Variants in SMYD3 observed in about 807,000 individuals in gnomAD.
SMYD3 encodes the protein SET and MYND domain containing 3.
SMYD3 carries 36 observed loss-of-function variants against 57.7 expected under a neutral mutation model. That is an observed-to-expected ratio of 0.62 (90% CI 0.48 to 0.82). SMYD3 has a LOEUF of 0.82. Ranked by LOEUF, SMYD3 falls within the 40% of genes least tolerant of loss-of-function variation. The pLI, the probability that SMYD3 is intolerant of heterozygous loss-of-function variation, is 0.00. For synonymous variants in SMYD3, 211 were observed against 195.0 expected (o/e 1.08, Z -0.68); for missense variants, 515 against 538.8 (o/e 0.96, Z 0.44).
intron 5 of SMYD3, among the ~76,000 whole-genome samples, chr1:246,204,162 T>C (rs2062961185): frequency 1.3e-5 from 2 of 151,982 alleles, no homozygotes; most frequent in Admixed American, 1.3e-4. Flanking sequence ...AAACAGAAAC[T>C]CCCCCCAAAA....
chr1:246,088,181 G>A (rs988558857), intron 5 of SMYD3, among the ~76,000 whole-genome samples: 20 of 152,004 alleles, frequency 1.3e-4, no homozygotes, highest in Non-Finnish European at 2.5e-4. Context: ...GAACTGTCAC[G>A]GAAAGGTAAC....
At chr1:246,069,824 G>T (rs563325948) in intron 5 of SMYD3, among the ~76,000 whole-genome samples, 1 of 152,148 alleles carries the variant, frequency 6.6e-6, no homozygotes, top group Non-Finnish European at 1.5e-5. Context: ...TGGGCAGGAC[G>T]AATGAGACTG....
intron 1 of SMYD3, among the ~76,000 whole-genome samples, chr1:246,377,546 T>C (rs530266360): frequency 2.0e-5 from 3 of 152,116 alleles, no homozygotes; most frequent in Admixed American, 1.3e-4. Context: ...ATTTTGTATT[T>C]TTAGTAGAGA....
At chr1:246,453,329 T>C (rs932314092) in intron 1 of SMYD3, among the ~76,000 whole-genome samples, 1 of 152,356 alleles carries the variant, frequency 6.6e-6, no homozygotes, top group African/African-American at 2.4e-5. Flanking sequence ...GCAGATGATA[T>C]GACACATTTG....
At chr1:245,840,053 C>T (rs1467743921) in intron 10 of SMYD3, among the ~76,000 whole-genome samples, 15 of 151,926 alleles carry the variant, frequency 9.9e-5, no homozygotes, top group Admixed American at 9.8e-4. Flanking sequence ...AAGCAAAAGG[C>T]CCAGACACTA....
At chr1:246,251,101 A>G (rs2063791550) in intron 5 of SMYD3, among the ~76,000 whole-genome samples, 1 of 152,232 alleles carries the variant, frequency 6.6e-6, no homozygotes, top group Non-Finnish European at 1.5e-5. Flanking sequence ...TTTGGGCTAC[A>G]TGTCATTTCC....
At chr1:246,030,030 A>C (rs2059644230) in intron 5 of SMYD3, among the ~76,000 whole-genome samples, 2 of 150,096 alleles carry the variant, frequency 1.3e-5, no homozygotes, top group Non-Finnish European at 3.0e-5. Flanking sequence ...TTTTTACAAA[A>C]GAAAGGAAAT....
At chr1:246,022,849 A>T (rs2059496866) in intron 5 of SMYD3, among the ~76,000 whole-genome samples, 1 of 152,226 alleles carries the variant, frequency 6.6e-6, no homozygotes, top group South Asian at 2.1e-4. Context: ...TGCCAGGGTA[A>T]TACCACCTCA....
At chr1:245,807,243 C>A (rs2048225554) in intron 10 of SMYD3, among the ~76,000 whole-genome samples, 1 of 152,124 alleles carries the variant, frequency 6.6e-6, no homozygotes, top group South Asian at 2.1e-4. Context: ...ATGCTGCTGA[C>A]CAGGTCTCTC....
intron 5 of SMYD3, among the ~76,000 whole-genome samples, chr1:245,934,560 T>C (rs867400248): frequency 1.3e-5 from 2 of 152,158 alleles, no homozygotes; most frequent in African/African-American, 2.4e-5. Flanking sequence ...GCCTGTCCCA[T>C]TGCCTCTTTT....
rs143941372 is a variant in SMYD3 at position 246,343,484 on chromosome 1, A to T, written c.229-8010T>A. On this transcript the variant is annotated intron_variant, in intron 2 of 11. Coordinates refer to ENST00000490107, the MANE Select transcript of SMYD3 (RefSeq NM_001167740.2). ...AGGACAGGCTGCAGAAGCAGGGTCA[A>T]AGAGGCCACATGTAGGGACAGTCCC... Among the ~76,000 whole-genome samples, 478 of 152,318 alleles carry T rather than the reference A, an allele frequency of 3.1e-3. 2 individuals are homozygous for T. Among genetic ancestry groups the T allele is most frequent in the African/African-American group, 0.011 (459 of 41,572 alleles).
At chr1:246,007,331 G>A (rs555424606) in intron 5 of SMYD3, among the ~76,000 whole-genome samples, 1 of 152,288 alleles carries the variant, frequency 6.6e-6, no homozygotes, top group East Asian at 1.9e-4. Flanking sequence ...TTCCCAGAAG[G>A]GAAAGATTTG....
intron 5 of SMYD3, among the ~76,000 whole-genome samples, chr1:246,214,699 G>T (rs2063137934): frequency 6.6e-6 from 1 of 152,076 alleles, no homozygotes; most frequent in Non-Finnish European, 1.5e-5. Context: ...AAGGACAAGA[G>T]AAAATATTTT....
chr1:246,362,505 T>A (rs1315386489), intron 1 of SMYD3, among the ~76,000 whole-genome samples: 1 of 151,752 alleles, frequency 6.6e-6, no homozygotes, highest in Non-Finnish European at 1.5e-5. Flanking sequence ...CTCCCTCTGA[T>A]GCCGAGCCGA....
chr1:246,463,561 T>A (rs904475508), intron 1 of SMYD3, among the ~76,000 whole-genome samples: 1 of 147,424 alleles, frequency 6.8e-6, no homozygotes, highest in Admixed American at 7.1e-5. Flanking sequence ...CTCACGCCTG[T>A]AATCCCAACA....
chr1:246,361,924 G>C lies in SMYD3; in HGVS notation c.165-6830C>G, dbSNP rs147274813. On this transcript the variant is annotated intron_variant, in intron 1 of 11. Transcript: ENST00000490107. ...TTATTCATGCAACCAAACACCACCTGCTCCCCAAAAACCTATTGAAATTAA... is the reference window on the plus strand; with the variant it reads ...TTATTCATGCAACCAAACACCACCTCCTCCCCAAAAACCTATTGAAATTAA... 9.4e-3 allele frequency among the ~76,000 whole-genome samples: 1,430 copies of C among 151,994 alleles called. 28 individuals are homozygous for C. Among genetic ancestry groups the C allele is most frequent in the African/African-American group, 0.032 (1,329 of 41,456 alleles).
At chr1:245,935,157 G>A (rs75857007) in intron 5 of SMYD3, among the ~76,000 whole-genome samples, 2,425 of 152,154 alleles carry the variant, frequency 0.016, 54 homozygotes, top group African/African-American at 0.056. Context: ...ACCATACAAC[G>A]GATAAGAGGT....
chr1:246,151,854 G>A (rs183776987), intron 5 of SMYD3, among the ~76,000 whole-genome samples: 43 of 152,314 alleles, frequency 2.8e-4, no homozygotes, highest in African/African-American at 8.9e-4. Context: ...TCCTGTGGCA[G>A]GAGCCGAGAT....
At chr1:245,995,779 C>G (rs1242635337) in intron 5 of SMYD3, among the ~76,000 whole-genome samples, 1 of 152,130 alleles carries the variant, frequency 6.6e-6, no homozygotes, top group African/African-American at 2.4e-5. Context: ...TTTGGATAGA[C>G]AGAGACACAT....
Sources: gnomAD v4.1 joint callset for allele counts (sites outside exome capture counted in the v4.1 genomes callset) on GRCh38, gnomAD v4.1.1 for gene constraint, MANE v1.5 for transcripts, NCBI Gene and HGNC (gene_info 2026-07-23, HGNC 2026-07-21) for gene names.